The following ABHD18 variants were observed in gnomAD, a reference collection of about 807,000 sequenced individuals.
ABHD18 encodes cardiolipin-specific deacylase, mitochondrial.
ABHD18 carries 55 observed loss-of-function variants against 65.9 expected under a neutral mutation model. The ratio of observed to expected loss-of-function variants is 0.84; its 90% CI spans 0.67 to 1.05. The LOEUF is 1.05. Ranked by LOEUF, ABHD18 falls within the 50% of genes least tolerant of loss-of-function variation. The pLI is 0.00. For synonymous variants in ABHD18, 181 were observed against 180.2 expected, an observed-to-expected ratio of 1.00 and a Z score of -0.04; for missense variants, 533 against 558.5, an observed-to-expected ratio of 0.95 and a Z score of 0.46.
chr4:128,018,192 C>A (rs1755836997), intron 8 of ABHD18, among the ~76,000 whole-genome samples: 1 of 152,192 alleles, frequency 6.6e-6, no homozygotes, highest in African/African-American at 2.4e-5. Context: ...TAACTTTTTA[C>A]TGTACTTTAC....
chr4:127,989,740 G>T lies in ABHD18; in HGVS notation c.197G>T (p.Cys66Phe). 1 of 1,588,924 alleles carries T rather than the reference G, an allele frequency of 6.3e-7. No homozygotes were observed. Among genetic ancestry groups the T allele is most frequent in the Non-Finnish European group, 8.6e-7 (1 of 1,167,928 alleles). Reference protein sequence around the residue: ...HIDKIEEQSDCKILDGHFVSP... With the variant: ...HIDKIEEQSDFKILDGHFVSP... Reference sequence around the variant, plus strand: ...TTTTAGATTGAAGAGCAATCAGATTGTAAGATCTTAGATGGACACTTTGTT... The same window carrying T: ...TTTTAGATTGAAGAGCAATCAGATTTTAAGATCTTAGATGGACACTTTGTT... Residue 66 changes from cysteine to phenylalanine, a missense_variant, in exon 4 of 13, where the codon TGT becomes TTT. By Grantham distance (205) the Cys-to-Phe change is radical. This residue lies in a region of ABHD18 where 309 missense variants were observed against 313.5 expected (regional missense o/e 0.99). Coordinates refer to ENST00000645843, the MANE Select transcript of ABHD18 (RefSeq NM_001358451.3).
intron 1 of ABHD18, among the ~76,000 whole-genome samples, chr4:127,973,431 C>T (rs1423214097): frequency 3.3e-5 from 5 of 151,864 alleles, no homozygotes; most frequent in South Asian, 2.1e-4. Context: ...GTAAGTAACA[C>T]CTGTTATTGA....
chr4:128,014,592 T>G (rs1319609287), intron 7 of ABHD18, among the ~76,000 whole-genome samples: 1 of 152,190 alleles, frequency 6.6e-6, no homozygotes, highest in East Asian at 1.9e-4. Context: ...AATATAATAA[T>G]GGCCCTATGT....
intron 6 of ABHD18, among the ~76,000 whole-genome samples, chr4:128,011,444 G>A (rs1334209659): frequency 8.6e-5 from 13 of 150,828 alleles, no homozygotes; most frequent in East Asian, 3.9e-4. Flanking sequence ...CACCGCGCCC[G>A]GCCTATGTGA....
intron 4 of ABHD18, among the ~76,000 whole-genome samples, chr4:128,000,816 T>C (rs2149110333): frequency 6.6e-6 from 1 of 152,298 alleles, no homozygotes; most frequent in East Asian, 1.9e-4. Context: ...CTTTCAGCAG[T>C]GTTTTGTAAT....
chr4:127,971,739 C>A (rs968349208), intron 1 of ABHD18, among the ~76,000 whole-genome samples: 1 of 152,016 alleles, frequency 6.6e-6, no homozygotes, highest in Non-Finnish European at 1.5e-5. Flanking sequence ...ATCTGCCCCT[C>A]GGCCTCCCAA....
chr4:127,985,918 G>C (rs925524784), intron 3 of ABHD18, among the ~76,000 whole-genome samples: 15 of 152,102 alleles, frequency 9.9e-5, no homozygotes, highest in African/African-American at 3.4e-4. Context: ...GGGAGGCTGA[G>C]ACAGGAGAAT....
intron 1 of ABHD18, among the ~76,000 whole-genome samples, chr4:127,971,274 A>T (rs1746728064): frequency 1.3e-5 from 2 of 149,310 alleles, no homozygotes; most frequent in Non-Finnish European, 3.0e-5. Flanking sequence ...AAAAAAAAAG[A>T]CAATGAAGTC....
At chr4:127,972,181 T>A (rs1044330322) in intron 1 of ABHD18, among the ~76,000 whole-genome samples, 4 of 152,238 alleles carry the variant, frequency 2.6e-5, no homozygotes, top group African/African-American at 4.8e-5. Flanking sequence ...GGCCTCTTCC[T>A]ATGGACTCAG....
intron 6 of ABHD18, among the ~76,000 whole-genome samples, 196 bp from the exon 7 acceptor site, chr4:128,011,477 T>TG (rs1268913505): frequency 7.6e-6 from 1 of 131,244 alleles, no homozygotes; most frequent in Non-Finnish European, 1.7e-5. Flanking sequence ...TCAGTAAAGC[T>TG]GGTTTTTTTT....
Position 128,039,149 on chromosome 4 carries a change from A to G in ABHD18, c.*3336A>G, listed in dbSNP as rs1302592239. ...ATTATATATACACACATATGCATAT[A>G]TATATATATATATATATATATATAT... On this transcript the variant is annotated 3_prime_UTR_variant, in exon 13 of 13. Transcript: ENST00000645843. 9 of 23,754 alleles carry G rather than the reference A, an allele frequency of 3.8e-4. No homozygotes were observed. Among genetic ancestry groups the G allele is most frequent in the African/African-American group, 1.3e-3 (8 of 6,360 alleles). 1.5% of individuals were successfully genotyped at this position (23,754 alleles called of 1,614,324 possible). A position where few individuals can be genotyped will look rare whatever the true frequency, so the allele number is the denominator to read the frequency against.
chr4:128,020,088 C>G lies in ABHD18; in HGVS notation c.618C>G (p.Ser206=). ...TGISMGGHMA[S]LAVSNWPKPM... is the part of the protein sequence containing the mutation. ...TATCTGTTATATTACAGATGGCTTCCTTAGCGGTATCCAACTGGCCTAAGC... is the reference window on the plus strand; with the variant it reads ...TATCTGTTATATTACAGATGGCTTCGTTAGCGGTATCCAACTGGCCTAAGC... The change falls in exon 9 of 13, where the codon TCC becomes TCG. Residue 206 remains serine (S), a synonymous_variant. Coordinates refer to ENST00000645843, the MANE Select transcript of ABHD18 (RefSeq NM_001358451.3). 2 of 1,612,042 alleles carry G rather than the reference C, an allele frequency of 1.2e-6. No individual in the cohort carries two copies. The highest frequency in any genetic ancestry group is 1.7e-6 in the Non-Finnish European group (2 of 1,178,616).
intron 7 of ABHD18, among the ~76,000 whole-genome samples, chr4:128,012,292 A>C (rs537658788): frequency 6.6e-6 from 1 of 152,146 alleles, no homozygotes; most frequent in East Asian, 1.9e-4. Flanking sequence ...TTTCCTTTTT[A>C]AGGTACATTT....
chr4:128,016,181 T>C (rs992739470), intron 7 of ABHD18, among the ~76,000 whole-genome samples: 2 of 151,924 alleles, frequency 1.3e-5, no homozygotes, highest in South Asian at 2.1e-4. Context: ...CTCTAACTCC[T>C]GACCTCATGA....
At chr4:127,985,969 C>T (rs929090652) in intron 3 of ABHD18, among the ~76,000 whole-genome samples, 8 of 152,120 alleles carry the variant, frequency 5.3e-5, no homozygotes, top group South Asian at 2.1e-4. Context: ...GAACCAAGAT[C>T]GCGCCACAGC....
At chr4:128,001,692 G>C in intron 4 of ABHD18, 1 of 1,540,196 alleles carries the variant, frequency 6.5e-7, no homozygotes, top group Non-Finnish European at 8.7e-7. Flanking sequence ...AGAAGGTTTT[G>C]GTGTGTTCTT....
intron 3 of ABHD18, among the ~76,000 whole-genome samples, chr4:127,989,327 A>G (rs933612078): frequency 1.3e-5 from 2 of 152,146 alleles, no homozygotes; most frequent in Admixed American, 1.3e-4. Context: ...GCAAATGTAC[A>G]GTCAGATAGA....
At chr4:127,992,648 C>T (rs1277953481) in intron 4 of ABHD18, among the ~76,000 whole-genome samples, 2 of 152,122 alleles carry the variant, frequency 1.3e-5, no homozygotes, top group African/African-American at 4.8e-5. Context: ...AAGTGATCCT[C>T]TCACCTCAGC....
rs1560962216 is a variant in ABHD18, at chr4:128,039,148, TA to T, written c.*3336del. The T allele has an allele frequency of 7.3e-4, 17 of 23,206 alleles. No homozygotes were observed. In the East Asian group the frequency reaches 0.019, roughly 25 times the overall value. The allele number at this position is 23,206 out of a possible 1,614,324, so 1.4% of individuals were successfully genotyped here. A position where few individuals can be genotyped will look rare whatever the true frequency, so the allele number is the denominator to read the frequency against. Reference sequence around the variant, plus strand: ...TATTATATATACACACATATGCATATATATATATATATATATATATATATAT... The same window carrying T: ...TATTATATATACACACATATGCATATTATATATATATATATATATATATAT... On this transcript the variant is annotated 3_prime_UTR_variant, in exon 13 of 13. Coordinates refer to ENST00000645843, the MANE Select transcript of ABHD18 (RefSeq NM_001358451.3).
Sources: allele counts gnomAD v4.1 joint callset (sites outside exome capture counted in the v4.1 genomes callset), GRCh38; gene constraint gnomAD v4.1.1; regional missense constraint gnomAD v4.1.1; transcripts MANE v1.5; gene names NCBI Gene and HGNC (gene_info 2026-07-23, HGNC 2026-07-21).